The following THRA variants were observed in gnomAD, a reference collection of about 807,000 sequenced individuals.
The protein encoded by THRA is EAR-7.
Under a neutral mutation model 45.0 loss-of-function variants are expected in THRA, and 13 were observed. That is an observed-to-expected ratio of 0.29 (90% CI 0.19 to 0.46). THRA has a LOEUF of 0.46. THRA is among the 20% of genes least tolerant of loss of function. The pLI is 1.00. For synonymous variants in THRA, 195 were observed against 214.0 expected (o/e 0.91, Z 0.78); for missense variants, 278 against 556.1 (o/e 0.50, Z 5.03).
At position 40,092,939 on chromosome 17, in the gene THRA, G is replaced by C; in HGVS notation, c.*3483G>C. 6.5e-7 allele frequency: 1 copy of C among 1,532,364 alleles called. No individual in the cohort carries two copies. Among genetic ancestry groups the C allele is most frequent in the Non-Finnish European group, 8.8e-7 (1 of 1,138,810 alleles). 94.9% of individuals were successfully genotyped at this position (1,532,364 alleles called of 1,614,324 possible). A position where few individuals can be genotyped will look rare whatever the true frequency, so the allele number is the denominator to read the frequency against. On this transcript the variant is annotated 3_prime_UTR_variant, in exon 9 of 9. Coordinates refer to ENST00000450525, the MANE Select transcript of THRA (RefSeq NM_199334.5). ...AGGCAGGTATTTACAAGAAGGCTCA[G>C]GGGGCCAGAGGCTCATCTTGGAATA...
chr17:40,089,702 C>T lies in THRA; in HGVS notation c.*246C>T. The T allele has an allele frequency of 7.3e-7, 1 of 1,368,480 alleles. No individual in the cohort carries two copies. Among genetic ancestry groups the T allele is most frequent in the South Asian group, 1.6e-5 (1 of 63,500 alleles). The allele number at this position is 1,368,480 out of a possible 1,614,324, so 84.8% of individuals were successfully genotyped here. A position where few individuals can be genotyped will look rare whatever the true frequency, so the allele number is the denominator to read the frequency against. Reference sequence around the variant, plus strand: ...TGTGGGAGGCTGGGGGAGCTGTGTCCTGCAGTTCCCAGGACCCCATCCTCT... The same window carrying T: ...TGTGGGAGGCTGGGGGAGCTGTGTCTTGCAGTTCCCAGGACCCCATCCTCT... On this transcript the variant is annotated 3_prime_UTR_variant, in exon 9 of 9. Transcript: ENST00000450525. The surrounding 1 kb of genome is among the most constrained non-coding windows in gnomAD (Gnocchi z 6.1).
chr17:40,093,101 G>C, downstream of THRA: 1 of 1,614,128 alleles, frequency 6.2e-7, no homozygotes, highest in Non-Finnish European at 8.5e-7. The surrounding 1 kb of genome is among the most constrained non-coding windows in gnomAD (Gnocchi z 5.9). Flanking sequence ...CGTCCACCCG[G>C]AAGGACAGCA....
At position 40,070,560 on chromosome 17, in the gene THRA, C is replaced by T. The variant is rs533892021; in HGVS notation, c.-297-3632C>T. Among the ~76,000 whole-genome samples, 47 of 152,298 alleles carry T rather than the reference C, an allele frequency of 3.1e-4. 1 individual carries two copies. Among genetic ancestry groups the T allele is most frequent in the African/African-American group, 1.1e-3 (45 of 41,564 alleles). On this transcript the variant is annotated intron_variant, in intron 1 of 8. Transcript: ENST00000450525. ...CATGGGGGGCAGTGCTGCCCATAGA[C>T]GCCTGTGCCCATGCATGCCCATTTA... is the stretch of plus-strand genomic sequence containing the variant.
At chr17:40,075,676 C>T (rs1301972243) in intron 2 of THRA, among the ~76,000 whole-genome samples, 2 of 152,194 alleles carry the variant, frequency 1.3e-5, no homozygotes, top group Non-Finnish European at 2.9e-5. Context: ...ACCTTCCCCT[C>T]CCCCATGTCT....
chr17:40,087,980 C>T (rs1292521697), intron 7 of THRA, among the ~76,000 whole-genome samples: 2 of 152,142 alleles, frequency 1.3e-5, no homozygotes, highest in African/African-American at 2.4e-5. Context: ...AGGCTGGTCT[C>T]GAACTCCTGA....
At chr17:40,076,378 A>G (rs1986953932) in intron 2 of THRA, among the ~76,000 whole-genome samples, 1 of 152,194 alleles carries the variant, frequency 6.6e-6, no homozygotes, top group South Asian at 2.1e-4. Context: ...GAGGTTGTAT[A>G]GCACATTTAA....
chr17:40,076,292 C>T (rs1033232131), intron 2 of THRA, among the ~76,000 whole-genome samples: 2 of 152,012 alleles, frequency 1.3e-5, no homozygotes, highest in African/African-American at 4.8e-5. Context: ...TCAAGCAACA[C>T]GTGCACACTG....
At chr17:40,080,589 G>C (rs1279871257) in intron 4 of THRA, among the ~76,000 whole-genome samples, 1 of 151,994 alleles carries the variant, frequency 6.6e-6, no homozygotes, top group Non-Finnish European at 1.5e-5. Flanking sequence ...TTACTCTCAC[G>C]GACATCTGAG....
intron 1 of THRA, among the ~76,000 whole-genome samples, chr17:40,067,537 G>A (rs1036030489): frequency 6.6e-6 from 1 of 152,242 alleles, no homozygotes; most frequent in African/African-American, 2.4e-5. Flanking sequence ...AATGACCAGT[G>A]TGGTGGGCAC....
chr17:40,067,917 G>A (rs1003035224), intron 1 of THRA, among the ~76,000 whole-genome samples: 2 of 152,210 alleles, frequency 1.3e-5, no homozygotes, highest in African/African-American at 4.8e-5. Flanking sequence ...CTACTTGGGA[G>A]GCTGAGGCCG....
chr17:40,065,688 G>A (rs1986529483), intron 1 of THRA, among the ~76,000 whole-genome samples: 1 of 151,904 alleles, frequency 6.6e-6, no homozygotes, highest in African/African-American at 2.4e-5. Flanking sequence ...GGGGGCGGGG[G>A]GCTCAGCTGG....
At chr17:40,084,903 T>G (rs1274199561) in intron 6 of THRA, 88 bp downstream of exon 6, 10 of 1,474,592 alleles carry the variant, frequency 6.8e-6, no homozygotes, top group Non-Finnish European at 9.3e-6. Flanking sequence ...CCAGGAAGTC[T>G]TCTTAGTGTA....
intron 5 of THRA, 28 bp from the exon 6 acceptor site, chr17:40,084,582 G>A (rs377136027): frequency 2.8e-5 from 45 of 1,612,126 alleles, no homozygotes; most frequent in African/African-American, 5.3e-5. Flanking sequence ...GGTGCCATGC[G>A]TTAGACCTTG....
chr17:40,066,195 G>A (rs1333462687), intron 1 of THRA, among the ~76,000 whole-genome samples: 1 of 152,202 alleles, frequency 6.6e-6, no homozygotes, highest in Non-Finnish European at 1.5e-5. Context: ...GGGAATTTGA[G>A]GAGGGGGAAC....
In THRA at chr17:40,089,448, G is replaced by GAAGTCT; in HGVS notation, c.1228_1233dup. 6.2e-7 allele frequency: 1 copy of GAAGTCT among 1,614,130 alleles called. No homozygotes were observed. The stretch of plus-strand genomic sequence containing the variant: ...CTTCCTCGAGGTCTTTGAGGATCAG[G>GAAGTCT]AAGTCTAAAGCCTCAGGCGGCCAGA... On this transcript the variant is annotated stop_gained and inframe_insertion, in exon 9 of 9. Transcript: ENST00000450525. LOFTEE classifies it high-confidence loss of function. This position sits in a 1 kb window ranked among gnomAD's most constrained non-coding sequence, Gnocchi z 6.1.
Position 40,084,785 on chromosome 17 carries a change from C to T in THRA, c.546C>T (p.Gly182=). 6.2e-7 allele frequency: 1 copy of T among 1,613,946 alleles called. No homozygotes were observed. Among genetic ancestry groups the T allele is most frequent in the Non-Finnish European group, 8.5e-7 (1 of 1,180,016 alleles). Residue 182 remains glycine, a synonymous_variant, in exon 6 of 9, where the codon GGC becomes GGT. Transcript: ENST00000450525. ...CCCATCGCAGCACCAATGCCCAGGG[C>T]AGCCATTGGAAACAGAGGCGGAAAT... is the stretch of plus-strand genomic sequence containing the variant. ...TEAHRSTNAQ[G]SHWKQRRKFL...
At chr17:40,079,261 T>G (rs539979997) in intron 4 of THRA, among the ~76,000 whole-genome samples, 1 of 151,988 alleles carries the variant, frequency 6.6e-6, no homozygotes, top group Admixed American at 6.5e-5. Flanking sequence ...GTTTTGTTTT[T>G]TTTGAGATGG....
chr17:40,093,367 T>G (rs771068075), downstream of THRA: 3 of 1,611,212 alleles, frequency 1.9e-6, no homozygotes, highest in Non-Finnish European at 2.5e-6. The surrounding 1 kb of genome is among the most constrained non-coding windows in gnomAD (Gnocchi z 5.9). Context: ...TGGCAGGCAA[T>G]GCAGCCTCTC....
At chr17:40,085,284 C>T (rs1022618640) in intron 6 of THRA, among the ~76,000 whole-genome samples, 2 of 152,046 alleles carry the variant, frequency 1.3e-5, no homozygotes, top group Admixed American at 1.3e-4. Context: ...ATCGCTTGAG[C>T]CCAGGAGTTT....
Sources: gnomAD v4.1 joint callset for allele counts (sites outside exome capture counted in the v4.1 genomes callset) on GRCh38, gnomAD v4.1.1 for gene constraint, Gnocchi (gnomAD v3.1) non-coding constraint, MANE v1.5 for transcripts, NCBI Gene and HGNC (gene_info 2026-07-23, HGNC 2026-07-21) for gene names.